Variants in NELL2 observed in about 807,000 individuals in gnomAD.
The protein encoded by NELL2 is protein kinase C-binding protein NELL2.
A neutral mutation model predicts 109.6 loss-of-function variants in NELL2; 41 were observed. That is an observed-to-expected ratio of 0.37 (90% CI 0.29 to 0.49). The LOEUF is 0.49. NELL2 is among the 20% of genes least tolerant of loss of function. NELL2 has a pLI of 0.98. For missense variants in NELL2, 900 were observed against 1,008.3 expected (o/e 0.89, Z 1.45); for synonymous variants, 355 against 344.7 (o/e 1.03, Z -0.33).
At chr12:44,777,603 T>C (rs1941805203) in intron 5 of NELL2, among the ~76,000 whole-genome samples, 1 of 152,206 alleles carries the variant, frequency 6.6e-6, no homozygotes, top group Non-Finnish European at 1.5e-5. Flanking sequence ...GAAGTTATTT[T>C]TAGTTAGCCA....
intron 1 of NELL2, chr12:44,875,605 C>G (rs765828657): frequency 6.2e-7 from 1 of 1,613,138 alleles, no homozygotes; most frequent in Non-Finnish European, 8.5e-7. Flanking sequence ...CTCAGCCCTC[C>G]GACCCTGGAC....
intron 12 of NELL2, among the ~76,000 whole-genome samples, chr12:44,684,014 T>A (rs1259973040): frequency 6.6e-6 from 1 of 152,302 alleles, no homozygotes; most frequent in East Asian, 1.9e-4. Context: ...CCTCCTTGTA[T>A]CTCTGGTAGA....
rs1429641928 is a variant in NELL2 at position 44,776,034 on chromosome 12, G to A, written c.879C>T (p.Asn293=). The change falls in exon 8 of 20, where the codon AAC becomes AAT. Residue 293 remains asparagine (N), a synonymous_variant. Transcript: ENST00000429094. ...EFESWIDGCK[N]CTCLNGTIQC... ...ATAGAAGCCATACCAGGCATGTGCA[G>A]TTCTTACAGCCGTCTATCCAGGACT... 4 of 1,613,702 alleles carry A rather than the reference G, an allele frequency of 2.5e-6. No homozygotes were observed.
intron 10 of NELL2, among the ~76,000 whole-genome samples, chr12:44,711,627 G>T (rs1938208343): frequency 6.6e-6 from 1 of 151,998 alleles, no homozygotes. Context: ...CCACACTGCA[G>T]CCATGTCTAT....
At chr12:44,595,593 ATTTTTTTTT>A (rs57566164) in intron 15 of NELL2, among the ~76,000 whole-genome samples, 1 of 121,328 alleles carries the variant, frequency 8.2e-6, no homozygotes, top group Non-Finnish European at 1.7e-5. Context: ...CACCCAGCTA[ATTTTTTTTT>A]TTTTTTTTTT....
intron 3 of NELL2, among the ~76,000 whole-genome samples, chr12:44,790,178 G>T (rs1424314525): frequency 4.6e-5 from 7 of 152,100 alleles, no homozygotes; most frequent in African/African-American, 1.2e-4. Flanking sequence ...TTATCATCAG[G>T]TTATCTAAAG....
intron 9 of NELL2, among the ~76,000 whole-genome samples, chr12:44,748,568 A>G (rs1940502568): frequency 6.6e-6 from 1 of 152,196 alleles, no homozygotes; most frequent in African/African-American, 2.4e-5. Context: ...CATGATCACT[A>G]TACCTATAAT....
intron 13 of NELL2, among the ~76,000 whole-genome samples, chr12:44,651,828 C>T (rs916549222): frequency 3.9e-5 from 6 of 151,932 alleles, no homozygotes; most frequent in Non-Finnish European, 5.9e-5. Flanking sequence ...AGTATTTATC[C>T]GAACATGTTT....
At chr12:44,826,735 C>T (rs1355490361) in intron 2 of NELL2, among the ~76,000 whole-genome samples, 1 of 152,234 alleles carries the variant, frequency 6.6e-6, no homozygotes, top group East Asian at 1.9e-4. Flanking sequence ...CTTACAAAAG[C>T]AATTACAGCA....
chr12:44,852,282 T>C (rs1836220204), intron 2 of NELL2, among the ~76,000 whole-genome samples: 1 of 152,222 alleles, frequency 6.6e-6, no homozygotes, highest in Admixed American at 6.5e-5. Context: ...CAAATTAGAT[T>C]TTCCTTACCT....
intron 3 of NELL2, among the ~76,000 whole-genome samples, chr12:44,814,886 G>T (rs1449262724): frequency 6.6e-6 from 1 of 152,160 alleles, no homozygotes; most frequent in African/African-American, 2.4e-5. Flanking sequence ...ACCAAATAAA[G>T]AGATTTATAC....
At chr12:44,682,269 G>T (rs1166871902) in intron 12 of NELL2, among the ~76,000 whole-genome samples, 1 of 150,492 alleles carries the variant, frequency 6.6e-6, no homozygotes, top group Admixed American at 6.6e-5. Context: ...GGGGTTTTTT[G>T]TTTTTTTCTT....
chr12:44,886,212 G>A (rs1945472309), intron 1 of NELL2, among the ~76,000 whole-genome samples: 1 of 151,822 alleles, frequency 6.6e-6, no homozygotes. Context: ...TGGATTATAA[G>A]CTTATGTGTA....
chr12:44,832,530 A>G (rs1943919492), intron 2 of NELL2, among the ~76,000 whole-genome samples: 2 of 152,246 alleles, frequency 1.3e-5, no homozygotes, highest in African/African-American at 4.8e-5. Flanking sequence ...ATCAATAAGT[A>G]TAGCTGACCG....
intron 1 of NELL2, among the ~76,000 whole-genome samples, chr12:44,919,747 C>T (rs1166276085): frequency 1.3e-5 from 2 of 152,310 alleles, no homozygotes; most frequent in African/African-American, 4.8e-5. Flanking sequence ...CCAATTCTGC[C>T]AGCACCTTAA....
Position 44,742,874 on chromosome 12 carries a change from G to T in NELL2, c.995-28133C>A, listed in dbSNP as rs11182627. On this transcript the variant is annotated intron_variant, in intron 9 of 19. Transcript: ENST00000429094. ...AGAATGGAACCAAGTTGGAAAACACGATGCAGGATATTATCCAGGAGAACT... is the reference window on the plus strand; with the variant it reads ...AGAATGGAACCAAGTTGGAAAACACTATGCAGGATATTATCCAGGAGAACT... Among the ~76,000 whole-genome samples the T allele has an allele frequency of 1.4e-3, 212 of 152,212 alleles. 4 individuals carry two copies. In the East Asian group the frequency reaches 0.03, roughly 22 times the overall value.
chr12:44,588,146 G>A (rs1265438588), intron 15 of NELL2, among the ~76,000 whole-genome samples: 5 of 151,004 alleles, frequency 3.3e-5, no homozygotes, highest in African/African-American at 9.7e-5. Flanking sequence ...ACTCCAGCCT[G>A]GGTGACAGAG....
exon 1 of NELL2, chr12:44,913,863 C>CT: frequency 1.4e-6 from 1 of 692,840 alleles, no homozygotes; most frequent in South Asian, 2.0e-5. Flanking sequence ...CTAAAAGGTT[C>CT]TTTTTTCACT....
intron 13 of NELL2, among the ~76,000 whole-genome samples, chr12:44,660,538 C>G (rs1042214004): frequency 6.6e-6 from 1 of 152,102 alleles, no homozygotes; most frequent in East Asian, 1.9e-4. Flanking sequence ...GTTGTATAAC[C>G]AAAAATATCT....
Sources: gnomAD v4.1 joint callset for allele counts (sites outside exome capture counted in the v4.1 genomes callset) on GRCh38, gnomAD v4.1.1 for gene constraint, MANE v1.5 for transcripts, NCBI Gene and HGNC (gene_info 2026-07-23, HGNC 2026-07-21) for gene names.